CARS1: variants seen among roughly 807,000 people sequenced by gnomAD.
CARS1 encodes cysteinyl-tRNA synthetase 1, also known as cysteine--tRNA ligase, cytoplasmic.
Under a neutral mutation model 106.2 loss-of-function variants are expected in CARS1, and 48 were observed. That is an observed-to-expected ratio of 0.45 (90% confidence interval 0.36 to 0.57). The LOEUF is 0.57. Among genes scored for constraint, CARS1 ranks in the 20% least tolerant of loss-of-function variants. CARS1 has a pLI of 0.00. For missense variants in CARS1, 968 were observed against 1,057.2 expected, an observed-to-expected ratio of 0.92 and a Z score of 1.17; for synonymous variants, 409 against 403.4, an observed-to-expected ratio of 1.01 and a Z score of -0.17.
rs1254213338 is a variant in CARS1, at chr11:3,038,486, C to CT, written c.652-288dup. Reference sequence around the variant, plus strand: ...GGGTGTGAGAGCAGTATTTCTAGGGCTGTTCTGGGGATGAGGAAAAGTAGG... The same window carrying CT: ...GGGTGTGAGAGCAGTATTTCTAGGGCTTGTTCTGGGGATGAGGAAAAGTAGG... On this transcript the variant is annotated intron_variant, in intron 6 of 22. Transcript: ENST00000380525. The surrounding 1 kb of genome is among the most constrained non-coding windows in gnomAD (Gnocchi z 4.0). Among the ~76,000 whole-genome samples the CT allele has an allele frequency of 6.6e-6, 1 of 152,176 alleles. No homozygotes were observed. The highest frequency in any genetic ancestry group is 1.5e-5 in the Non-Finnish European group (1 of 68,030).
intron 17 of CARS1, among the ~76,000 whole-genome samples, chr11:3,012,618 C>G (rs921272357): frequency 2.0e-5 from 3 of 152,234 alleles, no homozygotes; most frequent in Non-Finnish European, 4.4e-5. Context: ...TTTATGGTTT[C>G]AGAGGGGCCA....
In CARS1 at chr11:3,021,290, C is replaced by T. The variant is rs1851549374; in HGVS notation, c.1154-958G>A. Among the ~76,000 whole-genome samples the T allele has an allele frequency of 2.0e-5, 3 of 152,252 alleles. No homozygotes were observed. Among genetic ancestry groups the T allele is most frequent in the Admixed American group, 2.0e-4 (3 of 15,290 alleles). ...TGAATGGGCAGAGCAGAGGTCTTCACTCTAGGCATAAGGTTACCAGGACCC... is the reference window on the plus strand; with the variant it reads ...TGAATGGGCAGAGCAGAGGTCTTCATTCTAGGCATAAGGTTACCAGGACCC... On this transcript the variant is annotated intron_variant, in intron 10 of 22. Coordinates refer to ENST00000380525, the MANE Select transcript of CARS1 (RefSeq NM_001014437.3). The surrounding 1 kb of genome is among the most constrained non-coding windows in gnomAD (Gnocchi z 5.3).
At chr11:3,009,730 G>C (rs577323624) in intron 18 of CARS1, among the ~76,000 whole-genome samples, 338 of 152,292 alleles carry the variant, frequency 2.2e-3, no homozygotes, top group Non-Finnish European at 3.2e-3. Context: ...CTGGACCATG[G>C]GGGTATTTCC....
In CARS1 at chr11:3,026,666, C is replaced by A. The variant is rs1226914741; in HGVS notation, c.1153+10G>T. ...GAGAGCCCACATGCTCTCAGGCATG[C>A]CCTCCTCACCTTCCCCTTCTTGAAG... On this transcript the variant is annotated intron_variant, in intron 10 of 22. Transcript: ENST00000380525. 7.4e-6 allele frequency: 12 copies of A among 1,612,792 alleles called. No homozygotes were observed. The Admixed American group carries it at 1.2e-4, about 16-fold the overall frequency.
rs1160802382 is a variant in CARS1, at chr11:3,041,496, G to A, written c.367-512C>T. On this transcript the variant is annotated intron_variant, in intron 3 of 22. Transcript: ENST00000380525. The surrounding 1 kb of genome is among the most constrained non-coding windows in gnomAD (Gnocchi z 4.9). The stretch of plus-strand genomic sequence containing the variant: ...ACCCCTGAATCGTGGTGCTGCTCTG[G>A]CACCACTCCCCAACATCCCAGCACC... 2.6e-5 allele frequency among the ~76,000 whole-genome samples: 4 copies of A among 152,080 alleles called. No homozygotes were observed. Among genetic ancestry groups the A allele is most frequent in the Non-Finnish European group, 5.9e-5 (4 of 68,006 alleles).
At position 3,048,808 on chromosome 11, in the gene CARS1, C is replaced by A. The variant is rs2134298559; in HGVS notation, c.26-807G>T. ...GGGCTGCCAGGAAAATGTGGCTGCT[C>A]CAGCCAGCCTCACCTGGCCCCTGGC... is the stretch of plus-strand genomic sequence containing the variant. On this transcript the variant is annotated intron_variant, in intron 1 of 22. Transcript: ENST00000380525. This position sits in a 1 kb window ranked among gnomAD's most constrained non-coding sequence, Gnocchi z 5.1. Among the ~76,000 whole-genome samples the A allele has an allele frequency of 6.6e-6, 1 of 152,358 alleles. No homozygotes were observed. The highest frequency in any genetic ancestry group is 2.1e-4 in the South Asian group (1 of 4,832).
Position 3,013,573 on chromosome 11 carries a change from G to T in CARS1, c.1987-1297C>A, listed in dbSNP as rs190902529. Among the ~76,000 whole-genome samples the T allele has an allele frequency of 5.3e-5, 8 of 152,224 alleles. No homozygotes were observed. In the East Asian group the frequency reaches 1.5e-3, roughly 29 times the overall value. ...ATAAAAACATTAGCAAGTGCTGGCT[G>T]GGCGCGGTGACTCACAACTGTAATC... is the stretch of plus-strand genomic sequence containing the variant. On this transcript the variant is annotated intron_variant, in intron 17 of 22. Transcript: ENST00000380525.
In CARS1 at chr11:3,028,950, G is replaced by A. The variant is rs375065576; in HGVS notation, c.1031+46C>T. Reference sequence around the variant, plus strand: ...AGAGCTGGGGAGCTCCTCCCTGTGCGATGTTCTGCAGCCCTTCCCTCCCTA... The same window carrying A: ...AGAGCTGGGGAGCTCCTCCCTGTGCAATGTTCTGCAGCCCTTCCCTCCCTA... On this transcript the variant is annotated intron_variant, in intron 9 of 22. Transcript: ENST00000380525. The surrounding 1 kb of genome is among the most constrained non-coding windows in gnomAD (Gnocchi z 4.4). 158 of 1,322,170 alleles carry A rather than the reference G, an allele frequency of 1.2e-4. No homozygotes were observed. Among genetic ancestry groups the A allele is most frequent in the South Asian group, 5.9e-5 (5 of 85,142 alleles). 81.9% of individuals were successfully genotyped at this position (1,322,170 alleles called of 1,614,324 possible). A position where few individuals can be genotyped will look rare whatever the true frequency, so the allele number is the denominator to read the frequency against.
rs1384326392 is a variant in CARS1 at position 3,028,831 on chromosome 11, CT to C, written c.1031+164del. ...AGTGCAGACCCATGCTCCTCAGCCC[CT>C]GGGTGGGCCCAGAGTTGTAGGAGGA... On this transcript the variant is annotated intron_variant, in intron 9 of 22. Transcript: ENST00000380525. This position sits in a 1 kb window ranked among gnomAD's most constrained non-coding sequence, Gnocchi z 4.4. The C allele has an allele frequency of 4.8e-6, 3 of 625,780 alleles. No individual in the cohort carries two copies. Among genetic ancestry groups the C allele is most frequent in the South Asian group, 3.8e-5 (2 of 53,310 alleles). 38.8% of individuals were successfully genotyped at this position (625,780 alleles called of 1,614,324 possible).
At position 3,019,106 on chromosome 11, in the gene CARS1, T is replaced by C; in HGVS notation, c.1395+33A>G. 2.0e-6 allele frequency: 3 copies of C among 1,498,164 alleles called. No homozygotes were observed. The allele number at this position is 1,498,164 out of a possible 1,614,324, so 92.8% of individuals were successfully genotyped here. ...CACTGCAGTATGAACACTGTGCTCT[T>C]GCACCTGACAAGGGGACTCTGTTTT... On this transcript the variant is annotated intron_variant, in intron 12 of 22. Coordinates refer to ENST00000380525, the MANE Select transcript of CARS1 (RefSeq NM_001014437.3). This position sits in a 1 kb window ranked among gnomAD's most constrained non-coding sequence, Gnocchi z 6.2.
chr11:3,040,068 TCTC>T lies in CARS1; in HGVS notation c.456-140_456-138del, dbSNP rs1175854888. On this transcript the variant is annotated intron_variant, in intron 4 of 22. Coordinates refer to ENST00000380525, the MANE Select transcript of CARS1 (RefSeq NM_001014437.3). This position sits in a 1 kb window ranked among gnomAD's most constrained non-coding sequence, Gnocchi z 5.8. ...TCCCTGAAACAGCAAGACCCCCCCT[TCTC>T]CTCCTCAGTCTACTCAACGTGAAGA... is the stretch of plus-strand genomic sequence containing the variant. 3.6e-6 allele frequency: 2 copies of T among 559,076 alleles called. No homozygotes were observed. Among genetic ancestry groups the T allele is most frequent in the Non-Finnish European group, 3.1e-6 (1 of 320,192 alleles). The allele number at this position is 559,076 out of a possible 1,614,324, so 34.6% of individuals were successfully genotyped here.
Position 3,039,778 on chromosome 11 carries a change from A to G in CARS1, c.552+57T>C. ...CATTATTTACTTATGCGAAAGTTCT[A>G]TCTTCTTTTACACCATCCAATTGCA... is the stretch of plus-strand genomic sequence containing the variant. On this transcript the variant is annotated intron_variant, in intron 5 of 22. Coordinates refer to ENST00000380525, the MANE Select transcript of CARS1 (RefSeq NM_001014437.3). The surrounding 1 kb of genome is among the most constrained non-coding windows in gnomAD (Gnocchi z 5.6). 1 of 869,946 alleles carries G rather than the reference A, an allele frequency of 1.1e-6. No individual in the cohort carries two copies. The highest frequency in any genetic ancestry group is 1.8e-6 in the Non-Finnish European group (1 of 554,762). The allele number at this position is 869,946 out of a possible 1,614,324, so 53.9% of individuals were successfully genotyped here.
chr11:3,029,256 G>C lies in CARS1; in HGVS notation c.942+47C>G, dbSNP rs757719923. 8.1e-6 allele frequency: 13 copies of C among 1,598,620 alleles called. No homozygotes were observed. Among genetic ancestry groups the C allele is most frequent in the Non-Finnish European group, 1.1e-5 (13 of 1,167,818 alleles). ...TGCCAAAACAGGAATTTAGAAATCA[G>C]GGCCCTTAGCGCAAGAGAGCCAGCA... On this transcript the variant is annotated intron_variant, in intron 8 of 22. Coordinates refer to ENST00000380525, the MANE Select transcript of CARS1 (RefSeq NM_001014437.3). The surrounding 1 kb of genome is among the most constrained non-coding windows in gnomAD (Gnocchi z 5.9).
rs1384053573 is a variant in CARS1, at chr11:3,018,692, T to C, written c.1453A>G (p.Ile485Val). Residue 485 changes from isoleucine (I) to valine (V), a missense_variant, in exon 13 of 23, where the codon ATT (isoleucine) becomes GTT (valine). Transcript: ENST00000380525. ...GACTTTGACATTTTGCAGCCTGCAA[T>C]GGTCAGGTGGCCTGTGTGCAGGAAG... ...RYFLHTGHLT[I>V]AGCKMSKSLK... The C allele has an allele frequency of 1.2e-6, 2 of 1,614,190 alleles. No homozygotes were observed. The highest frequency in any genetic ancestry group is 8.5e-7 in the Non-Finnish European group (1 of 1,180,000).
Position 3,037,867 on chromosome 11 carries a change from G to C in CARS1, c.801+183C>G, listed in dbSNP as rs1384918053. ...CCAGGAAATGGGGCAAAGGGGTGTG[G>C]GAGGGGAGGGGCACTGACTCAGCCA... On this transcript the variant is annotated intron_variant, in intron 7 of 22. Coordinates refer to ENST00000380525, the MANE Select transcript of CARS1 (RefSeq NM_001014437.3). This position sits in a 1 kb window ranked among gnomAD's most constrained non-coding sequence, Gnocchi z 5.9. Among the ~76,000 whole-genome samples the C allele has an allele frequency of 1.3e-5, 2 of 152,178 alleles. No individual in the cohort carries two copies. The highest frequency in any genetic ancestry group is 4.8e-5 in the African/African-American group (2 of 41,438).
Position 3,040,709 on chromosome 11 carries a change from T to C in CARS1, c.455+187A>G, listed in dbSNP as rs1375749191. 1 of 677,988 alleles carries C rather than the reference T, an allele frequency of 1.5e-6. No homozygotes were observed. The highest frequency in any genetic ancestry group is 1.7e-5 in the South Asian group (1 of 59,814). The allele number at this position is 677,988 out of a possible 1,614,324, so 42.0% of individuals were successfully genotyped here. On this transcript the variant is annotated intron_variant, in intron 4 of 22. Coordinates refer to ENST00000380525, the MANE Select transcript of CARS1 (RefSeq NM_001014437.3). The surrounding 1 kb of genome is among the most constrained non-coding windows in gnomAD (Gnocchi z 5.8). Reference sequence around the variant, plus strand: ...GTAGTCTTTCTGCAGTGAATATAGATTACTTATGGCATTAAAATTTTCATC... The same window carrying C: ...GTAGTCTTTCTGCAGTGAATATAGACTACTTATGGCATTAAAATTTTCATC...
At position 3,002,043 on chromosome 11, in the gene CARS1, A is replaced by G; in HGVS notation, c.2288T>C (p.Leu763Pro). The G allele has an allele frequency of 1.2e-6, 2 of 1,612,704 alleles. No individual in the cohort carries two copies. Among genetic ancestry groups the G allele is most frequent in the Non-Finnish European group, 1.7e-6 (2 of 1,178,874 alleles). Reference protein sequence around the residue: ...RRKQEQEAAKLAKMKIPPSEM... With the variant: ...RRKQEQEAAKPAKMKIPPSEM... Reference sequence around the variant, plus strand: ...ACTGGGGGGAATCTTCATCTTGGCCAGCTTTGCTGCCTAGAACACGCAACA... The same window carrying G: ...ACTGGGGGGAATCTTCATCTTGGCCGGCTTTGCTGCCTAGAACACGCAACA... The change falls in exon 22 of 23, where the codon CTG (leucine) becomes CCG (proline). Residue 763 changes from leucine (L) to proline (P), a missense_variant. Transcript: ENST00000380525.
At position 3,033,672 on chromosome 11, in the gene CARS1, A is replaced by G. The variant is rs971430690; in HGVS notation, c.802-4229T>C. Among the ~76,000 whole-genome samples, 22 of 152,224 alleles carry G rather than the reference A, an allele frequency of 1.4e-4. 1 individual carries two copies. Among genetic ancestry groups the G allele is most frequent in the Non-Finnish European group, 2.6e-4 (18 of 68,038 alleles). ...GACAAAGAAAAACAGAATAAATCCA[A>G]AGGAAAAAGAAGAAAAGAAGGAATA... On this transcript the variant is annotated intron_variant, in intron 7 of 22. Transcript: ENST00000380525.
intron 14 of CARS1, 163 bp from the exon 15 acceptor site, chr11:3,018,117 A>G: frequency 1.6e-6 from 1 of 626,224 alleles, no homozygotes; most frequent in African/African-American, 1.8e-5. Context: ...TTTGACAGAA[A>G]CATGCTCTTG....
Sources: gnomAD v4.1 joint callset for allele counts (sites outside exome capture counted in the v4.1 genomes callset) on GRCh38, gnomAD v4.1.1 for gene constraint, Gnocchi (gnomAD v3.1) non-coding constraint, MANE v1.5 for transcripts, NCBI Gene and HGNC (gene_info 2026-07-23, HGNC 2026-07-21) for gene names.